Variants in MCHR2 observed in about 807,000 individuals in gnomAD.
MCHR2 encodes the protein melanin-concentrating hormone receptor 2.
Under a neutral mutation model 24.8 loss-of-function variants are expected in MCHR2, and 15 were observed. The observed-to-expected ratio is 0.60, with a 90% CI of 0.40 to 0.93. The LOEUF (loss-of-function observed/expected upper bound fraction) is 0.93, where lower values mean the gene tolerates loss of function less well. Ranked by LOEUF, MCHR2 falls within the 40% of genes least tolerant of loss-of-function variation. The pLI, the probability that MCHR2 is intolerant of heterozygous loss-of-function variation, is 0.00. For synonymous variants in MCHR2, 151 were observed against 147.6 expected (o/e 1.02, Z -0.17); for missense variants, 386 against 408.7 (o/e 0.94, Z 0.48).
At chr6:99,969,787 C>T (rs1775366132) in intron 1 of MCHR2, among the ~76,000 whole-genome samples, 1 of 148,368 alleles carries the variant, frequency 6.7e-6, no homozygotes, top group African/African-American at 2.5e-5. Flanking sequence ...TGTTCAATTC[C>T]CACCTATGAG....
chr6:99,986,902 A>G (rs1256993523), intron 1 of MCHR2, among the ~76,000 whole-genome samples: 1 of 150,796 alleles, frequency 6.6e-6, no homozygotes, highest in Non-Finnish European at 1.5e-5. Context: ...TATAATATAT[A>G]TACATGGACC....
At chr6:99,926,976 C>T (rs914814611) in intron 5 of MCHR2, among the ~76,000 whole-genome samples, 7 of 152,020 alleles carry the variant, frequency 4.6e-5, no homozygotes, top group African/African-American at 9.7e-5. Flanking sequence ...TTAGGTCTAA[C>T]GTTAAGTCTT....
chr6:99,974,024 G>C (rs1775495102), intron 1 of MCHR2, among the ~76,000 whole-genome samples: 1 of 152,136 alleles, frequency 6.6e-6, no homozygotes, highest in African/African-American at 2.4e-5. Flanking sequence ...TGGTGAATCT[G>C]ACAATTATGT....
Position 99,920,872 on chromosome 6 carries a change from C to T in MCHR2, c.*68G>A, listed in dbSNP as rs1054443873. On this transcript the variant is annotated 3_prime_UTR_variant, in exon 6 of 6. Transcript: ENST00000281806. The stretch of plus-strand genomic sequence containing the variant: ...AATGGGCATAAACATATCGGTACAC[C>T]TGCCCTTTCTGATAATACCAGTAAG... 6 of 1,467,810 alleles carry T rather than the reference C, an allele frequency of 4.1e-6. No individual in the cohort carries two copies. The African/African-American group carries it at 8.4e-5, about 20-fold the overall frequency. The allele number at this position is 1,467,810 out of a possible 1,614,324, so 90.9% of individuals were successfully genotyped here.
intron 1 of MCHR2, among the ~76,000 whole-genome samples, chr6:99,992,566 G>C (rs913889099): frequency 6.6e-6 from 1 of 152,150 alleles, no homozygotes. Flanking sequence ...TCTTTACAGT[G>C]CCTGGTGGCT....
intron 5 of MCHR2, among the ~76,000 whole-genome samples, chr6:99,931,507 A>C (rs968735229): frequency 6.6e-6 from 1 of 152,138 alleles, no homozygotes; most frequent in African/African-American, 2.4e-5. Context: ...TCGAGCTTCC[A>C]GGCTGCTTTG....
chr6:99,989,468 C>T (rs960070351), intron 1 of MCHR2, among the ~76,000 whole-genome samples: 85 of 152,042 alleles, frequency 5.6e-4, no homozygotes, highest in Non-Finnish European at 1.0e-3. Context: ...AATACTGAGG[C>T]TAAGAGGGTG....
rs1308528510 is a variant in MCHR2, at chr6:99,931,591, C to G, written c.707+2807G>C. On this transcript the variant is annotated intron_variant, in intron 5 of 5. Transcript: ENST00000281806. Reference sequence around the variant, plus strand: ...GCTGCCGCCTTGCAGTTTGGTCTGACTGCTGTGCTAGCAATTAGCGAGACT... The same window carrying G: ...GCTGCCGCCTTGCAGTTTGGTCTGAGTGCTGTGCTAGCAATTAGCGAGACT... Among the ~76,000 whole-genome samples the G allele has an allele frequency of 2.6e-5, 4 of 152,082 alleles. No individual in the cohort carries two copies. In the East Asian group the frequency reaches 5.8e-4, roughly 22 times the overall value.
intron 1 of MCHR2, among the ~76,000 whole-genome samples, chr6:99,990,568 C>T (rs780028431): frequency 6.6e-6 from 1 of 152,140 alleles, no homozygotes; most frequent in Non-Finnish European, 1.5e-5. Context: ...TTATTTGGAA[C>T]TGTATTTAAT....
chr6:99,967,733 C>T (rs1184256381), intron 1 of MCHR2, among the ~76,000 whole-genome samples: 2 of 152,098 alleles, frequency 1.3e-5, no homozygotes, highest in African/African-American at 4.8e-5. Flanking sequence ...AACAATCCCC[C>T]CTCCATACAC....
intron 1 of MCHR2, among the ~76,000 whole-genome samples, chr6:99,978,781 G>A (rs989091632): frequency 3.3e-5 from 5 of 152,066 alleles, no homozygotes; most frequent in African/African-American, 1.2e-4. Flanking sequence ...TAGCATGTTG[G>A]GGGTGGCTAA....
At chr6:99,949,866 G>A (rs1408364210) in intron 2 of MCHR2, among the ~76,000 whole-genome samples, 2 of 151,868 alleles carry the variant, frequency 1.3e-5, no homozygotes, top group African/African-American at 4.8e-5. Context: ...GAAATGGAGA[G>A]GGGACAGGGA....
rs13217080 is a variant in MCHR2 at position 99,972,035 on chromosome 6, A to G, written c.-27-15861T>C. On this transcript the variant is annotated intron_variant, in intron 1 of 5. Coordinates refer to ENST00000281806, the MANE Select transcript of MCHR2 (RefSeq NM_001040179.2). Reference sequence around the variant, plus strand: ...GTCTAAAATTCTCTTTTTTTGTTGTATCTCTGCCAGGCTTTGGTATCAGGA... The same window carrying G: ...GTCTAAAATTCTCTTTTTTTGTTGTGTCTCTGCCAGGCTTTGGTATCAGGA... Among the ~76,000 whole-genome samples, 1,492 of 151,904 alleles carry G rather than the reference A, an allele frequency of 9.8e-3. 10 individuals are homozygous for G. Among genetic ancestry groups the G allele is most frequent in the African/African-American group, 0.034 (1,414 of 41,348 alleles).
chr6:99,947,923 C>T lies in MCHR2; in HGVS notation c.231G>A (p.Val77=). Residue 77 remains valine (V), a synonymous_variant, in exon 3 of 6, where the codon GTG becomes GTA. Coordinates refer to ENST00000281806, the MANE Select transcript of MCHR2 (RefSeq NM_001040179.2). ...TTCCAACTATGTGGACCAAATCAGC[C>T]ACAGCCAGGTTGCAGATATAGATGT... ...VPDIYICNLA[V]ADLVHIVGMP... is the part of the protein sequence containing the mutation. 1 of 1,613,718 alleles carries T rather than the reference C, an allele frequency of 6.2e-7. No homozygotes were observed. Among genetic ancestry groups the T allele is most frequent in the Non-Finnish European group, 8.5e-7 (1 of 1,179,786 alleles).
At chr6:99,973,624 G>C (rs1389839370) in intron 1 of MCHR2, among the ~76,000 whole-genome samples, 1 of 152,154 alleles carries the variant, frequency 6.6e-6, no homozygotes, top group Admixed American at 6.5e-5. Flanking sequence ...TGGTTATTTT[G>C]CTCATTAGTT....
chr6:99,931,049 C>G (rs900475581), intron 5 of MCHR2, among the ~76,000 whole-genome samples: 1 of 152,176 alleles, frequency 6.6e-6, no homozygotes, highest in African/African-American at 2.4e-5. Context: ...AGTTTTCCTT[C>G]TAACAGACAG....
At chr6:99,922,296 A>G (rs1373711308) in intron 5 of MCHR2, among the ~76,000 whole-genome samples, 2 of 151,998 alleles carry the variant, frequency 1.3e-5, no homozygotes, top group Admixed American at 6.5e-5. Flanking sequence ...TTAGTAAGAG[A>G]CAGGGTTTCA....
intron 1 of MCHR2, among the ~76,000 whole-genome samples, chr6:99,963,016 A>G (rs1006179852): frequency 6.6e-5 from 10 of 152,156 alleles, no homozygotes; most frequent in African/African-American, 2.4e-4. Flanking sequence ...GTCACTAATC[A>G]GGGAAATGCA....
At position 99,991,495 on chromosome 6, in the gene MCHR2, G is replaced by A. The variant is rs145001869; in HGVS notation, c.-28+2441C>T. Among the ~76,000 whole-genome samples, 435 of 152,248 alleles carry A rather than the reference G, an allele frequency of 2.9e-3. 1 individual carries two copies. Among genetic ancestry groups the A allele is most frequent in the African/African-American group, 9.8e-3 (406 of 41,564 alleles). On this transcript the variant is annotated intron_variant, in intron 1 of 5. Coordinates refer to ENST00000281806, the MANE Select transcript of MCHR2 (RefSeq NM_001040179.2). ...GAATAATACTCTCTACATAGTTATC[G>A]TGAGGATTTAATGAAATGAAGCATC... is the stretch of plus-strand genomic sequence containing the variant.
Sources: gnomAD v4.1 joint callset for allele counts (sites outside exome capture counted in the v4.1 genomes callset) on GRCh38, gnomAD v4.1.1 for gene constraint, MANE v1.5 for transcripts, NCBI Gene and HGNC (gene_info 2026-07-23, HGNC 2026-07-21) for gene names.